SLC6A15: variants seen among roughly 807,000 people sequenced by gnomAD.
SLC6A15 encodes sodium-dependent neutral amino acid transporter B(0)AT2.
A neutral mutation model predicts 68.5 loss-of-function variants in SLC6A15; 33 were observed. The observed-to-expected ratio is 0.48, with a 90% CI of 0.37 to 0.64. SLC6A15 has a LOEUF of 0.64. SLC6A15 is among the 30% of genes least tolerant of loss of function. SLC6A15 has a pLI of 0.00. For missense variants in SLC6A15, 747 were observed against 874.3 expected (o/e 0.85, Z 1.84); for synonymous variants, 347 against 301.0 (o/e 1.15, Z -1.58).
rs1243997509 is a variant in SLC6A15, at chr12:84,861,306, C to T, written c.*326G>A. The T allele has an allele frequency of 5.0e-6, 1 of 199,502 alleles. No individual in the cohort carries two copies. Among genetic ancestry groups the T allele is most frequent in the South Asian group, 1.5e-4 (1 of 6,464 alleles). The allele number at this position is 199,502 out of a possible 1,614,324, so 12.4% of individuals were successfully genotyped here. ...TTTTTAATTGTCAACACTACTAAAC[C>T]CAGAAATTATTAGAAACTGAGGTAA... On this transcript the variant is annotated 3_prime_UTR_variant, in exon 12 of 12. Coordinates refer to ENST00000266682, the MANE Select transcript of SLC6A15 (RefSeq NM_182767.6).
intron 10 of SLC6A15, among the ~76,000 whole-genome samples, chr12:84,866,093 AAAGC>A (rs10584335): frequency 0.13 from 19,124 of 152,130 alleles, 1,320 homozygotes; most frequent in South Asian, 0.3. Flanking sequence ...GCTTTGTTAT[AAAGC>A]TCATTCAATA....
In SLC6A15 at chr12:84,885,454, C is replaced by G. The variant is rs755348687; in HGVS notation, c.555G>C (p.Val185=). The G allele has an allele frequency of 1.9e-6, 3 of 1,612,148 alleles. No individual in the cohort carries two copies. In the East Asian group the frequency reaches 6.7e-5, roughly 36 times the overall value. Residue 185 remains valine, a synonymous_variant, in exon 4 of 12, where the codon GTG becomes GTC. Coordinates refer to ENST00000266682, the MANE Select transcript of SLC6A15 (RefSeq NM_182767.6). ...QPLPWDQCPL[V]KNASHTFVEP... ...TCTTACAAGTGTGTGAAGCATTTTT[C>G]ACCAAAGGACACTGATCCCAAGGCA...
intron 1 of SLC6A15, among the ~76,000 whole-genome samples, chr12:84,895,865 G>A (rs940439300): frequency 6.6e-6 from 1 of 151,948 alleles, no homozygotes; most frequent in African/African-American, 2.4e-5. Context: ...CTAAAAGCCC[G>A]CCTAAAAACT....
At chr12:84,878,401 A>G (rs2044814151) in intron 5 of SLC6A15, among the ~76,000 whole-genome samples, 1 of 152,112 alleles carries the variant, frequency 6.6e-6, no homozygotes, top group African/African-American at 2.4e-5. Flanking sequence ...TCTCACTTGA[A>G]TTAAAGTAAT....
At chr12:84,862,435 A>G (rs998512347) in intron 11 of SLC6A15, among the ~76,000 whole-genome samples, 2 of 152,210 alleles carry the variant, frequency 1.3e-5, no homozygotes, top group African/African-American at 4.8e-5. Context: ...TACCTCTTAA[A>G]TGTGTCATAT....
chr12:84,871,076 A>G (rs1871266386), intron 8 of SLC6A15, among the ~76,000 whole-genome samples: 1 of 151,726 alleles, frequency 6.6e-6, no homozygotes, highest in Non-Finnish European at 1.5e-5. Flanking sequence ...TGGCTCATAT[A>G]TAAAGATTTT....
intron 9 of SLC6A15, among the ~76,000 whole-genome samples, chr12:84,869,556 T>G (rs1332760503): frequency 6.6e-6 from 1 of 152,036 alleles, no homozygotes; most frequent in Non-Finnish European, 1.5e-5. Context: ...TCCAATCTTA[T>G]TTTACATCAC....
rs370457657 is a variant in SLC6A15 at position 84,904,224 on chromosome 12, GGA to G, written c.-189+8297_-189+8298del. On this transcript the variant is annotated intron_variant, in intron 1 of 11. Coordinates refer to ENST00000266682, the MANE Select transcript of SLC6A15 (RefSeq NM_182767.6). ...AGAGAAAGGGGGGAGGGGCGGAGGG[GGA>G]GAGAGAGAGAGAGAGAGAGAGAGAA... is the stretch of plus-strand genomic sequence containing the variant. 1.3e-3 allele frequency among the ~76,000 whole-genome samples: 159 copies of G among 121,906 alleles called. No individual in the cohort carries two copies. In the Middle Eastern group the frequency reaches 0.013, roughly 10 times the overall value. The allele number at this position is 121,906 out of a possible 152,430, so 80.0% of individuals were successfully genotyped here.
chr12:84,911,600 T>C (rs1273693497), intron 1 of SLC6A15, among the ~76,000 whole-genome samples: 2 of 152,202 alleles, frequency 1.3e-5, no homozygotes, highest in African/African-American at 4.8e-5. Context: ...TCCCGCAGCC[T>C]GTGCCACTGG....
At chr12:84,862,253 A>C (rs1870884415) in intron 11 of SLC6A15, among the ~76,000 whole-genome samples, 1 of 152,104 alleles carries the variant, frequency 6.6e-6, no homozygotes, top group African/African-American at 2.4e-5. Context: ...TAAGTGAAAG[A>C]CCACCTAAAG....
intron 5 of SLC6A15, chr12:84,881,558 T>C: frequency 3.0e-6 from 3 of 985,396 alleles, no homozygotes; most frequent in Non-Finnish European, 3.6e-6. Context: ...GTCCCTATCA[T>C]ACCCCTCTTT....
chr12:84,887,641 A>C (rs553169268), intron 2 of SLC6A15, among the ~76,000 whole-genome samples: 16 of 152,328 alleles, frequency 1.1e-4, no homozygotes, highest in African/African-American at 3.8e-4. Flanking sequence ...AAAGACTGAA[A>C]GTGAATTTTA....
Position 84,870,462 on chromosome 12 carries a change from A to G in SLC6A15, c.1495+16T>C, listed in dbSNP as rs772917008. 6.6e-7 allele frequency: 1 copy of G among 1,515,292 alleles called. No homozygotes were observed. The highest frequency in any genetic ancestry group is 2.2e-5 in the Admixed American group (1 of 45,514). The allele number at this position is 1,515,292 out of a possible 1,614,324, so 93.9% of individuals were successfully genotyped here. ...CCTGGATTTGTTCAATGAAAAGTCA[A>G]ATACAAAAAACTCACCAGTAAGAAT... On this transcript the variant is annotated intron_variant, in intron 9 of 11. Transcript: ENST00000266682.
At chr12:84,897,699 T>G (rs1392334330) in intron 1 of SLC6A15, among the ~76,000 whole-genome samples, 1 of 152,116 alleles carries the variant, frequency 6.6e-6, no homozygotes, top group Non-Finnish European at 1.5e-5. Flanking sequence ...CCCAATTAAT[T>G]TGTATTCCGA....
intron 9 of SLC6A15, among the ~76,000 whole-genome samples, chr12:84,869,260 C>T (rs1221022783): frequency 6.6e-6 from 1 of 151,884 alleles, no homozygotes; most frequent in Non-Finnish European, 1.5e-5. Flanking sequence ...GAGATTGAGA[C>T]CATCCTGGCT....
intron 5 of SLC6A15, chr12:84,883,433 C>A: frequency 9.2e-7 from 1 of 1,090,930 alleles, no homozygotes; most frequent in Non-Finnish European, 1.1e-6. Context: ...TGCAGCTATT[C>A]CTTAGAACAC....
intron 5 of SLC6A15, chr12:84,882,599 T>G (rs1592602014): frequency 2.7e-6 from 1 of 368,198 alleles, no homozygotes; most frequent in Admixed American, 6.5e-5. Flanking sequence ...TAGGACGGGG[T>G]GAGACATTAT....
chr12:84,900,161 C>T (rs1012727812), intron 1 of SLC6A15, among the ~76,000 whole-genome samples: 1 of 152,038 alleles, frequency 6.6e-6, no homozygotes, highest in Admixed American at 6.6e-5. Flanking sequence ...TTTCTCTCAA[C>T]AGTGTTTCAG....
chr12:84,902,989 A>C (rs940000224), intron 1 of SLC6A15, among the ~76,000 whole-genome samples: 1 of 152,120 alleles, frequency 6.6e-6, no homozygotes, highest in African/African-American at 2.4e-5. Flanking sequence ...ACGTGGACAT[A>C]CTATGGATTA....
Sources: allele counts gnomAD v4.1 joint callset (sites outside exome capture counted in the v4.1 genomes callset), GRCh38; gene constraint gnomAD v4.1.1; transcripts MANE v1.5; gene names NCBI Gene and HGNC (gene_info 2026-07-23, HGNC 2026-07-21).